ZNF132: variants seen among roughly 807,000 people sequenced by gnomAD.
The protein encoded by ZNF132 is zinc finger protein 132, also known as zinc finger protein 132 (clone pHZ-12).
In ZNF132, 6 loss-of-function variants were observed where a neutral mutation model predicts 9.3. That is an observed-to-expected ratio of 0.65 (90% confidence interval 0.35 to 1.28). ZNF132 has a LOEUF of 1.28. ZNF132 is among the 50% of genes most tolerant of loss of function. The pLI, the probability that ZNF132 is intolerant of heterozygous loss-of-function variation, is 0.03. For synonymous variants in ZNF132, 296 were observed against 292.0 expected (o/e 1.01, Z -0.14); for missense variants, 877 against 843.2 (o/e 1.04, Z -0.50).
At chr19:58,436,660 T>C (rs1599967315) in intron 2 of ZNF132, among the ~76,000 whole-genome samples, 1 of 97,642 alleles carries the variant, frequency 1.0e-5, no homozygotes, top group Non-Finnish European at 1.8e-5. Flanking sequence ...AGAGCAAGAC[T>C]CCATCTCAAA....
chr19:58,434,315 A>G lies in ZNF132; in HGVS notation c.1129T>C (p.Cys377Arg), dbSNP rs1184620440. 11 of 1,614,196 alleles carry G rather than the reference A, an allele frequency of 6.8e-6. No homozygotes were observed. The South Asian group carries it at 1.2e-4, about 18-fold the overall frequency. Residue 377 changes from cysteine (C) to arginine (R), a missense_variant, in exon 3 of 3, where the codon TGC becomes CGC. Coordinates refer to ENST00000254166, the MANE Select transcript of ZNF132 (RefSeq NM_003433.4). Reference protein sequence around the residue: ...KVHTGERPFECLKCGRAFSQS... With the variant: ...KVHTGERPFERLKCGRAFSQS... The stretch of plus-strand genomic sequence containing the variant: ...CTGAAGGCTCTTCCACATTTCAGGC[A>G]CTCAAAAGGCCTTTCTCCAGTGTGA...
Position 58,433,768 on chromosome 19 carries a change from A to G in ZNF132, c.1676T>C (p.Ile559Thr), listed in dbSNP as rs185952330. 394 of 1,614,216 alleles carry G rather than the reference A, an allele frequency of 2.4e-4. No individual in the cohort carries two copies. Among genetic ancestry groups the G allele is most frequent in the Non-Finnish European group, 1.6e-4 (185 of 1,180,034 alleles). ...TTTTGTGTGAACTCTCCAGTGTTCA[A>G]TGAGAGTGGAGCTGTGAGCAAAGGC... is the stretch of plus-strand genomic sequence containing the variant. The part of the protein sequence containing the change: ...GKAFAHSSTL[I>T]EHWRVHTKER... Residue 559 changes from isoleucine to threonine, a missense_variant, in exon 3 of 3, where the codon ATT (isoleucine) becomes ACT (threonine). Transcript: ENST00000254166.
At chr19:58,437,505 C>G (rs1316851729) in intron 1 of ZNF132, among the ~76,000 whole-genome samples, 5 of 152,044 alleles carry the variant, frequency 3.3e-5, no homozygotes, top group Non-Finnish European at 5.9e-5. Flanking sequence ...CTCCCTCCTG[C>G]TGGCCAATTT....
chr19:58,439,687 C>T, intron 1 of ZNF132, 72 bp downstream of exon 1: 1 of 1,442,454 alleles, frequency 6.9e-7, no homozygotes, highest in Non-Finnish European at 9.2e-7. Flanking sequence ...ACCAACATCC[C>T]CTCTATCTGG....
At chr19:58,436,968 T>A (rs747548543) in intron 2 of ZNF132, 79 bp downstream of exon 2, 2 of 1,601,078 alleles carry the variant, frequency 1.2e-6, no homozygotes, top group South Asian at 2.2e-5. Context: ...ATGATCTGGC[T>A]TTGGGATGAA....
rs1457597320 is a variant in ZNF132, at chr19:58,435,120, A to G, written c.324T>C (p.Pro108=). The change falls in exon 3 of 3, where the codon CCT becomes CCC. Residue 108 remains proline (P), a synonymous_variant. Transcript: ENST00000254166. ...CACAGGAGTTAGCTTTCTTGGTGGA[A>G]GGATCTGCATTAGGGATCCTGACCT... is the stretch of plus-strand genomic sequence containing the variant. ...VLQVRIPNAD[P]STKKANSCDM... 6 of 1,614,196 alleles carry G rather than the reference A, an allele frequency of 3.7e-6. No homozygotes were observed.
intron 2 of ZNF132, among the ~76,000 whole-genome samples, chr19:58,436,680 A>G (rs1211362250): frequency 9.6e-6 from 1 of 104,634 alleles, no homozygotes; most frequent in African/African-American, 3.0e-5. Context: ...AAAAAAAAAA[A>G]AAAAAAAAAA....
At chr19:58,435,427 G>A (rs1432027146) in intron 2 of ZNF132, 2 of 535,584 alleles carry the variant, frequency 3.7e-6, no homozygotes, top group South Asian at 2.7e-5. Context: ...CCAGGGGTAA[G>A]GACACAGAAA....
At position 58,433,581 on chromosome 19, in the gene ZNF132, G is replaced by A; in HGVS notation, c.1863C>T (p.His621=). The change falls in exon 3 of 3, where the codon CAC becomes CAT. Residue 621 remains histidine, a synonymous_variant. Coordinates refer to ENST00000254166, the MANE Select transcript of ZNF132 (RefSeq NM_003433.4). Reference sequence around the variant, plus strand: ...TGCATTCGTAAGGCCTTTCTCCAGTGTGAACTCTCCAGTGACAAATAAGGC... The same window carrying A: ...TGCATTCGTAAGGCCTTTCTCCAGTATGAACTCTCCAGTGACAAATAAGGC... ...KSSLICHWRV[H]TGERPYECSE... is the part of the protein sequence containing the mutation. 6.2e-7 allele frequency: 1 copy of A among 1,614,236 alleles called. No homozygotes were observed. Among genetic ancestry groups the A allele is most frequent in the Non-Finnish European group, 8.5e-7 (1 of 1,180,044 alleles).
In ZNF132 at chr19:58,433,205, G is replaced by T; in HGVS notation, c.*118C>A. The T allele has an allele frequency of 9.0e-7, 1 of 1,113,454 alleles. No individual in the cohort carries two copies. The highest frequency in any genetic ancestry group is 2.4e-5 in the East Asian group (1 of 41,262). 69.0% of individuals were successfully genotyped at this position (1,113,454 alleles called of 1,614,324 possible). A position where few individuals can be genotyped will look rare whatever the true frequency, so the allele number is the denominator to read the frequency against. On this transcript the variant is annotated 3_prime_UTR_variant, in exon 3 of 3. Transcript: ENST00000254166. ...GCTGGTCAGAAACAGAGTAGCTTCT[G>T]AAGGCTTTTCCACATTAGCAGTACA...
At chr19:58,438,214 C>A (rs1462408419) in intron 1 of ZNF132, among the ~76,000 whole-genome samples, 3 of 152,234 alleles carry the variant, frequency 2.0e-5, no homozygotes, top group African/African-American at 7.2e-5. Context: ...GACCTACTCT[C>A]TGCTCAGGAG....
chr19:58,438,600 AGTAGC>A (rs1165331366), intron 1 of ZNF132, among the ~76,000 whole-genome samples: 1 of 150,784 alleles, frequency 6.6e-6, no homozygotes, highest in Non-Finnish European at 1.5e-5. Flanking sequence ...CAGCCTCCCG[AGTAGC>A]TGGGACTACA....
Position 58,439,776 on chromosome 19 carries a change from G to C in ZNF132, c.46C>G (p.Leu16Val), listed in dbSNP as rs1463002273. 1 of 1,544,890 alleles carries C rather than the reference G, an allele frequency of 6.5e-7. No individual in the cohort carries two copies. The highest frequency in any genetic ancestry group is 8.7e-7 in the Non-Finnish European group (1 of 1,145,226). ...CCACTTACCTGCGCCGGGCCCATCA[G>C]CAACGCTGGCAACCCCATTAGAACC... is the stretch of plus-strand genomic sequence containing the variant. ...PQVLMGLPAL[L>V]MGPAQHTSWP... Residue 16 changes from leucine (L) to valine (V), a missense_variant, in exon 1 of 3, where the codon CTG becomes GTG. Physicochemically the swap from Leu to Val is conservative, Grantham distance 32 (BLOSUM62 1). Coordinates refer to ENST00000254166, the MANE Select transcript of ZNF132 (RefSeq NM_003433.4).
At chr19:58,435,938 C>G (rs1455496174) in intron 2 of ZNF132, among the ~76,000 whole-genome samples, 1 of 152,132 alleles carries the variant, frequency 6.6e-6, no homozygotes, top group Non-Finnish European at 1.5e-5. Flanking sequence ...AAAATGGAAA[C>G]AAGCCAAATG....
chr19:58,433,068 C>T lies in ZNF132; in HGVS notation c.*255G>A. 7.4e-6 allele frequency: 3 copies of T among 403,142 alleles called. No individual in the cohort carries two copies. Among genetic ancestry groups the T allele is most frequent in the South Asian group, 3.4e-5 (1 of 29,526 alleles). The allele number at this position is 403,142 out of a possible 1,614,324, so 25.0% of individuals were successfully genotyped here. A position where few individuals can be genotyped will look rare whatever the true frequency, so the allele number is the denominator to read the frequency against. ...AAGGAAGGCTCAGGGTACTGTTTTC[C>T]CCATGCATGAGGACAGGACTGCTGC... On this transcript the variant is annotated 3_prime_UTR_variant, in exon 3 of 3. Coordinates refer to ENST00000254166, the MANE Select transcript of ZNF132 (RefSeq NM_003433.4).
At chr19:58,439,538 C>A (rs1217757116) in intron 1 of ZNF132, among the ~76,000 whole-genome samples, 1 of 152,252 alleles carries the variant, frequency 6.6e-6, no homozygotes, top group African/African-American at 2.4e-5. Context: ...CCTTCCAGAT[C>A]TCATTCCACA....
intron 1 of ZNF132, 86 bp from the exon 2 acceptor site, chr19:58,437,301 ATC>A: frequency 7.0e-7 from 1 of 1,423,136 alleles, no homozygotes; most frequent in South Asian, 1.4e-5. Flanking sequence ...TACCACTAAT[ATC>A]TCTTTTTCTT....
intron 2 of ZNF132, 60 bp downstream of exon 2, chr19:58,436,987 T>C: frequency 1.9e-6 from 3 of 1,611,636 alleles, no homozygotes; most frequent in Non-Finnish European, 2.5e-6. Flanking sequence ...AACAGAGCTT[T>C]CTATGGGGAA....
At chr19:58,436,123 C>T (rs983768372) in intron 2 of ZNF132, among the ~76,000 whole-genome samples, 14 of 152,014 alleles carry the variant, frequency 9.2e-5, no homozygotes, top group Admixed American at 1.3e-4. Context: ...GTCTAGGAAA[C>T]GTAAATCTAT....
Sources: allele counts gnomAD v4.1 joint callset (sites outside exome capture counted in the v4.1 genomes callset), GRCh38; gene constraint gnomAD v4.1.1; transcripts MANE v1.5; gene names NCBI Gene and HGNC (gene_info 2026-07-23, HGNC 2026-07-21).